Variants in UGT3A1 observed in about 807,000 individuals in gnomAD.
UGT3A1 encodes the protein UDP glycosyltransferase family 3 member A1.
In UGT3A1, 40 loss-of-function variants were observed where a neutral mutation model predicts 37.6. The ratio of observed to expected loss-of-function variants is 1.06; its 90% confidence interval spans 0.83 to 1.38. UGT3A1 has a LOEUF of 1.38. UGT3A1 is among the 40% of genes most tolerant of loss of function. The pLI, the probability that UGT3A1 is intolerant of heterozygous loss-of-function variation, is 0.00. For synonymous variants in UGT3A1, 256 were observed against 232.3 expected, an observed-to-expected ratio of 1.10 and a Z score of -0.93; for missense variants, 642 against 634.2, an observed-to-expected ratio of 1.01 and a Z score of -0.13.
intron 4 of UGT3A1, among the ~76,000 whole-genome samples, chr5:35,964,359 T>A (rs1182820889): frequency 6.6e-6 from 1 of 152,126 alleles, no homozygotes; most frequent in Non-Finnish European, 1.5e-5. Context: ...GAGAACCCAG[T>A]GCTATGGCCA....
At chr5:35,999,971 T>C (rs553287014) in intron 1 of UGT3A1, among the ~76,000 whole-genome samples, 1 of 152,344 alleles carries the variant, frequency 6.6e-6, no homozygotes, top group East Asian at 1.9e-4. Context: ...AACTTCACAG[T>C]GACAGAGGAA....
chr5:35,972,123 G>A (rs937559376), intron 2 of UGT3A1, among the ~76,000 whole-genome samples: 1 of 152,022 alleles, frequency 6.6e-6, no homozygotes, highest in African/African-American at 2.4e-5. Context: ...ATAAAACAGA[G>A]GACTCCAAAT....
At chr5:35,977,803 A>G (rs115339022) in intron 2 of UGT3A1, among the ~76,000 whole-genome samples, 1,675 of 152,366 alleles carry the variant, frequency 0.011, 39 homozygotes, top group African/African-American at 0.038. Context: ...AAAAGAATAC[A>G]TACCTTATAA....
chr5:35,985,079 T>TAAAAAAAA (rs59401195), intron 2 of UGT3A1, among the ~76,000 whole-genome samples: 18 of 116,020 alleles, frequency 1.6e-4, no homozygotes, highest in East Asian at 1.2e-3. Flanking sequence ...ACATAAAATA[T>TAAAAAAAA]AAAAAAAAAA....
intron 2 of UGT3A1, among the ~76,000 whole-genome samples, chr5:35,987,049 G>A (rs1348245317): frequency 3.9e-5 from 6 of 152,050 alleles, no homozygotes; most frequent in Non-Finnish European, 8.8e-5. Flanking sequence ...CTATACGTGA[G>A]ATTTCAGTTA....
At position 35,974,525 on chromosome 5, in the gene UGT3A1, G is replaced by A. The variant is rs1271200627; in HGVS notation, c.197-6392C>T. Among the ~76,000 whole-genome samples, 3 of 152,166 alleles carry A rather than the reference G, an allele frequency of 2.0e-5. No homozygotes were observed. The South Asian group carries it at 6.2e-4, about 32-fold the overall frequency. ...TATGGACTTAAAGATTGCAAGGGTGGTGATTCCCATCACATCCCTATTCAA... is the reference window on the plus strand; with the variant it reads ...TATGGACTTAAAGATTGCAAGGGTGATGATTCCCATCACATCCCTATTCAA... On this transcript the variant is annotated intron_variant, in intron 2 of 6. Coordinates refer to ENST00000274278, the MANE Select transcript of UGT3A1 (RefSeq NM_152404.4).
At chr5:35,984,575 T>C (rs1268934178) in intron 2 of UGT3A1, among the ~76,000 whole-genome samples, 1 of 150,540 alleles carries the variant, frequency 6.6e-6, no homozygotes, top group Non-Finnish European at 1.5e-5. Flanking sequence ...CAAGTTCAAG[T>C]ACTTATCGTG....
intron 2 of UGT3A1, among the ~76,000 whole-genome samples, chr5:35,987,782 A>G (rs1740783134): frequency 1.3e-5 from 2 of 152,182 alleles, no homozygotes; most frequent in Admixed American, 1.3e-4. Flanking sequence ...AGATTCGCCC[A>G]ACTCTGTTAT....
intron 2 of UGT3A1, among the ~76,000 whole-genome samples, chr5:35,970,248 C>T (rs1431163038): frequency 6.6e-6 from 1 of 152,052 alleles, no homozygotes; most frequent in African/African-American, 2.4e-5. Context: ...AATAATTAGC[C>T]AGGCGTGGTG....
chr5:35,997,436 T>C (rs916614108), intron 1 of UGT3A1: 1 of 152,172 alleles, frequency 6.6e-6, no homozygotes, highest in African/African-American at 2.4e-5. Context: ...ATTTAATTTT[T>C]TTTTTTTTTG....
chr5:35,976,396 C>A (rs1740270006), intron 2 of UGT3A1, among the ~76,000 whole-genome samples: 1 of 152,110 alleles, frequency 6.6e-6, no homozygotes, highest in Non-Finnish European at 1.5e-5. Flanking sequence ...TGCAACAACC[C>A]AATTTAAGAA....
rs1340441243 is a variant in UGT3A1 at position 35,952,443 on chromosome 5, A to G, written c.*1759T>C. On this transcript the variant is annotated 3_prime_UTR_variant, in exon 7 of 7. Transcript: ENST00000274278. Reference sequence around the variant, plus strand: ...GCAGCCCTGTGGAGGGTGCTTGGACAGAGCAAGATTAGAAGCATCATTCTG... The same window carrying G: ...GCAGCCCTGTGGAGGGTGCTTGGACGGAGCAAGATTAGAAGCATCATTCTG... The G allele has an allele frequency of 1.3e-5, 2 of 152,260 alleles. No individual in the cohort carries two copies. The highest frequency in any genetic ancestry group is 2.9e-5 in the Non-Finnish European group (2 of 68,068). The allele number at this position is 152,260 out of a possible 1,614,324, so 9.4% of individuals were successfully genotyped here.
At chr5:35,962,012 C>T (rs1232177503) in intron 4 of UGT3A1, 2 of 132,122 alleles carry the variant, frequency 1.5e-5, no homozygotes, top group Non-Finnish European at 3.3e-5. Flanking sequence ...CTCTTCCAGT[C>T]TCCCATTTCA....
intron 5 of UGT3A1, 68 bp from the exon 6 acceptor site, chr5:35,955,932 A>G: frequency 6.7e-7 from 1 of 1,500,548 alleles, no homozygotes; most frequent in South Asian, 1.2e-5. Context: ...GGTAAAGCAG[A>G]AAAGTCAGAT....
chr5:35,967,346 T>A (rs1561461072), intron 3 of UGT3A1, among the ~76,000 whole-genome samples: 1 of 152,200 alleles, frequency 6.6e-6, no homozygotes, highest in African/African-American at 2.4e-5. Context: ...GCAAAGAGGA[T>A]GAAGCCACTA....
At chr5:35,960,834 G>T (rs1739552998) in intron 4 of UGT3A1, 1 of 152,104 alleles carries the variant, frequency 6.6e-6, no homozygotes, top group Non-Finnish European at 1.5e-5. Flanking sequence ...ATGGGAAGAT[G>T]GTCTTCCTGG....
intron 4 of UGT3A1, among the ~76,000 whole-genome samples, chr5:35,964,974 T>C (rs1260538393): frequency 6.6e-6 from 1 of 152,230 alleles, no homozygotes; most frequent in African/African-American, 2.4e-5. Flanking sequence ...AGTCCCACCC[T>C]GCTTACCCCG....
intron 1 of UGT3A1, among the ~76,000 whole-genome samples, chr5:35,997,763 A>T (rs982148806): frequency 1.3e-5 from 2 of 152,186 alleles, no homozygotes; most frequent in East Asian, 3.9e-4. Context: ...ACACTCATCC[A>T]GTATGTGCAT....
chr5:35,987,539 C>T (rs569641531), intron 2 of UGT3A1, among the ~76,000 whole-genome samples: 1 of 152,212 alleles, frequency 6.6e-6, no homozygotes, highest in East Asian at 1.9e-4. Context: ...AAATCAGACA[C>T]TATAAGGCAG....
Sources: gnomAD v4.1 joint callset for allele counts (sites outside exome capture counted in the v4.1 genomes callset) on GRCh38, gnomAD v4.1.1 for gene constraint, MANE v1.5 for transcripts, NCBI Gene and HGNC (gene_info 2026-07-23, HGNC 2026-07-21) for gene names.